The following FOXK2 variants were observed in gnomAD, a reference collection of about 807,000 sequenced individuals.
FOXK2 encodes the protein forkhead box protein K2.
A neutral mutation model predicts 53.3 loss-of-function variants in FOXK2; 24 were observed. That is an observed-to-expected ratio of 0.45 (90% CI 0.33 to 0.63). The LOEUF (loss-of-function observed/expected upper bound fraction) is 0.63, where lower values mean the gene tolerates loss of function less well. Among genes scored for constraint, FOXK2 ranks in the 30% least tolerant of loss-of-function variants. The pLI, the probability that FOXK2 is intolerant of heterozygous loss-of-function variation, is 0.03. For synonymous variants in FOXK2, 505 were observed against 407.1 expected (o/e 1.24, Z -2.89); for missense variants, 952 against 910.5 (o/e 1.05, Z -0.59).
intron 1 of FOXK2, among the ~76,000 whole-genome samples, chr17:82,557,031 A>AT (rs1214721122): frequency 8.0e-6 from 1 of 124,648 alleles, no homozygotes; most frequent in African/African-American, 3.1e-5. Flanking sequence ...TATTATTATT[A>AT]TTTTTTATTT....
chr17:82,568,968 C>T (rs1035292801), intron 3 of FOXK2, among the ~76,000 whole-genome samples: 7 of 152,162 alleles, frequency 4.6e-5, no homozygotes, highest in Middle Eastern at 3.2e-3. Context: ...GCTGAGATCA[C>T]GCCACTGAAC....
intron 1 of FOXK2, among the ~76,000 whole-genome samples, chr17:82,526,118 A>G (rs2044416540): frequency 6.6e-6 from 1 of 152,188 alleles, no homozygotes; most frequent in African/African-American, 2.4e-5. Flanking sequence ...TCCAAGGTGA[A>G]GACTGGAGAG....
rs964891145 is a variant in FOXK2, at chr17:82,603,005, T to A, written c.*1506T>A. 2 of 152,650 alleles carry A rather than the reference T, an allele frequency of 1.3e-5. No individual in the cohort carries two copies. The highest frequency in any genetic ancestry group is 2.9e-5 in the Non-Finnish European group (2 of 68,040). 9.5% of individuals were successfully genotyped at this position (152,650 alleles called of 1,614,324 possible). A position where few individuals can be genotyped will look rare whatever the true frequency, so the allele number is the denominator to read the frequency against. On this transcript the variant is annotated 3_prime_UTR_variant, in exon 9 of 9. Transcript: ENST00000335255. ...TCAGAATGGTATATTTAGGCAATTT[T>A]AAAACATTTATTATTTACATAAAGA...
At chr17:82,553,743 A>G (rs1158906875) in intron 1 of FOXK2, among the ~76,000 whole-genome samples, 1 of 152,214 alleles carries the variant, frequency 6.6e-6, no homozygotes, top group African/African-American at 2.4e-5. Context: ...GGGACACAGC[A>G]GTTGCGCCTG....
chr17:82,587,308 G>A (rs781198952), intron 8 of FOXK2, 36 bp downstream of exon 8: 1 of 1,533,166 alleles, frequency 6.5e-7, no homozygotes, highest in Non-Finnish European at 9.0e-7. Context: ...CCGTGGCTGT[G>A]GGTACTGGGA....
intron 4 of FOXK2, chr17:82,577,922 G>A (rs926752735): frequency 5.3e-5 from 8 of 152,246 alleles, no homozygotes; most frequent in African/African-American, 1.9e-4. Context: ...GTTTTTACTA[G>A]GGATGGGATT....
At position 82,604,020 on chromosome 17, in the gene FOXK2, C is replaced by T. The variant is rs947727319; in HGVS notation, c.*2521C>T. The T allele has an allele frequency of 1.3e-5, 2 of 152,218 alleles. No homozygotes were observed. Among genetic ancestry groups the T allele is most frequent in the East Asian group, 1.9e-4 (1 of 5,198 alleles). The allele number at this position is 152,218 out of a possible 1,614,324, so 9.4% of individuals were successfully genotyped here. On this transcript the variant is annotated 3_prime_UTR_variant, in exon 9 of 9. Coordinates refer to ENST00000335255, the MANE Select transcript of FOXK2 (RefSeq NM_004514.4). ...ACAGCAAGGGTTGCTGAGCTGCTGT[C>T]GCCGCAGCCCTGGCCCCTGGTGCTG...
chr17:82,524,859 C>T (rs978677927), intron 1 of FOXK2, among the ~76,000 whole-genome samples: 6 of 152,140 alleles, frequency 3.9e-5, no homozygotes, highest in South Asian at 4.1e-4. Flanking sequence ...TCTGGAGAAC[C>T]TGCAATTCAG....
chr17:82,537,534 GC>G (rs2044531853), intron 1 of FOXK2, among the ~76,000 whole-genome samples: 1 of 145,686 alleles, frequency 6.9e-6, no homozygotes, highest in Non-Finnish European at 1.5e-5. Context: ...CAGGAGAATT[GC>G]CTGAACCTGG....
At position 82,546,176 on chromosome 17, in the gene FOXK2, G is replaced by A. The variant is rs531692196; in HGVS notation, c.420-17178G>A. Among the ~76,000 whole-genome samples, 19 of 144,224 alleles carry A rather than the reference G, an allele frequency of 1.3e-4. No individual in the cohort carries two copies. In the East Asian group the frequency reaches 3.9e-3, roughly 29 times the overall value. 94.6% of individuals were successfully genotyped at this position (144,224 alleles called of 152,430 possible). On this transcript the variant is annotated intron_variant, in intron 1 of 8. Coordinates refer to ENST00000335255, the MANE Select transcript of FOXK2 (RefSeq NM_004514.4). ...TGGTCGCCCAGGCTGGAGTGCAGTG[G>A]TGCCATCTTGGCTCACAGCAACCTC...
At chr17:82,571,645 G>T in intron 3 of FOXK2, 79 bp from the exon 4 acceptor site, 2 of 1,363,426 alleles carry the variant, frequency 1.5e-6, no homozygotes, top group South Asian at 1.7e-5. Context: ...TAAAAGCACT[G>T]AGAATCTTTA....
At chr17:82,574,284 T>TCCAGATTC (rs1241702327) in intron 4 of FOXK2, among the ~76,000 whole-genome samples, 1 of 151,516 alleles carries the variant, frequency 6.6e-6, no homozygotes, top group Non-Finnish European at 1.5e-5. Flanking sequence ...GATTAGTTTC[T>TCCAGATTC]CCAGATTCCT....
chr17:82,556,503 C>T (rs1457321772), intron 1 of FOXK2, among the ~76,000 whole-genome samples: 4 of 149,964 alleles, frequency 2.7e-5, no homozygotes, highest in Admixed American at 1.3e-4. Flanking sequence ...TTCCATGGCT[C>T]ATCAACGTGG....
chr17:82,580,245 A>T (rs112733333), intron 4 of FOXK2, among the ~76,000 whole-genome samples: 1 of 87,718 alleles, frequency 1.1e-5, no homozygotes, highest in Admixed American at 1.3e-4. Flanking sequence ...ACCATGAAGT[A>T]GCTCCCATCC....
At chr17:82,530,009 T>C (rs1164653570) in intron 1 of FOXK2, among the ~76,000 whole-genome samples, 3 of 152,220 alleles carry the variant, frequency 2.0e-5, no homozygotes, top group Non-Finnish European at 4.4e-5. Context: ...GAGCTGTAGC[T>C]GAATTGTTCC....
intron 4 of FOXK2, among the ~76,000 whole-genome samples, chr17:82,574,312 A>ACT (rs1246637190): frequency 5.8e-5 from 8 of 138,578 alleles, no homozygotes; most frequent in East Asian, 4.3e-4. Flanking sequence ...CATGGACATT[A>ACT]CTCTCTCTCT....
At chr17:82,591,902 A>G (rs1180873130) in intron 8 of FOXK2, among the ~76,000 whole-genome samples, 1 of 152,072 alleles carries the variant, frequency 6.6e-6, no homozygotes, top group African/African-American at 2.4e-5. Flanking sequence ...CAATGACTTC[A>G]TCTTTGCTGC....
chr17:82,573,969 C>T (rs1019559907), intron 4 of FOXK2, among the ~76,000 whole-genome samples: 5 of 152,348 alleles, frequency 3.3e-5, no homozygotes, highest in Admixed American at 3.3e-4. Context: ...GAGCAGAGCC[C>T]TTGGAGCAAG....
At chr17:82,579,523 T>A (rs1236888189) in intron 4 of FOXK2, among the ~76,000 whole-genome samples, 23 of 122,544 alleles carry the variant, frequency 1.9e-4, no homozygotes, top group East Asian at 5.4e-4. Flanking sequence ...GGCCTAGCCC[T>A]CCTCTCCATG....
Sources: gnomAD v4.1 joint callset for allele counts (sites outside exome capture counted in the v4.1 genomes callset) on GRCh38, gnomAD v4.1.1 for gene constraint, MANE v1.5 for transcripts, NCBI Gene and HGNC (gene_info 2026-07-23, HGNC 2026-07-21) for gene names.